GPM6A: variants seen among roughly 807,000 people sequenced by gnomAD.
GPM6A encodes neuronal membrane glycoprotein M6-a.
In GPM6A, 7 loss-of-function variants were observed where a neutral mutation model predicts 32.1. The ratio of observed to expected loss-of-function variants is 0.22; its 90% CI spans 0.12 to 0.41. The LOEUF (loss-of-function observed/expected upper bound fraction) is 0.41. Among genes scored for constraint, GPM6A ranks in the 10% least tolerant of loss-of-function variants. GPM6A has a pLI of 1.00. For synonymous variants in GPM6A, 130 were observed against 123.4 expected (o/e 1.05, Z -0.35); for missense variants, 235 against 347.2 (o/e 0.68, Z 2.57).
chr4:175,873,345 T>C (rs1396557941), intron 1 of GPM6A, among the ~76,000 whole-genome samples: 1 of 152,148 alleles, frequency 6.6e-6, no homozygotes, highest in Non-Finnish European at 1.5e-5. Context: ...GTAAACATTT[T>C]GTATTAAATA....
At chr4:175,787,312 C>T (rs775254098) in intron 1 of GPM6A, 3 of 1,404,814 alleles carry the variant, frequency 2.1e-6, no homozygotes, top group African/African-American at 1.4e-5. Context: ...ATAATACTCC[C>T]ACCAAAGTCA....
intron 1 of GPM6A, among the ~76,000 whole-genome samples, chr4:175,711,176 T>C (rs572774453): frequency 6.6e-6 from 1 of 152,056 alleles, no homozygotes; most frequent in South Asian, 2.1e-4. Flanking sequence ...TACACAAGCA[T>C]ATTTGTTTCA....
intron 1 of GPM6A, among the ~76,000 whole-genome samples, chr4:175,798,009 C>A (rs1734304477): frequency 6.6e-6 from 1 of 152,138 alleles, no homozygotes; most frequent in Admixed American, 6.5e-5. Flanking sequence ...GGGCCCCACT[C>A]CATACTCACC....
At chr4:175,938,472 G>T (rs1739308699) in intron 1 of GPM6A, among the ~76,000 whole-genome samples, 2 of 152,114 alleles carry the variant, frequency 1.3e-5, no homozygotes, top group East Asian at 3.9e-4. Context: ...GTATCTCATT[G>T]TGGTTTTGAT....
At chr4:175,804,645 TTAA>T (rs1298847718) in intron 1 of GPM6A, among the ~76,000 whole-genome samples, 3 of 152,228 alleles carry the variant, frequency 2.0e-5, no homozygotes. Flanking sequence ...GCTATTATTA[TTAA>T]TATTTTCCTT....
intron 2 of GPM6A, among the ~76,000 whole-genome samples, chr4:175,679,323 A>G (rs1041238424): frequency 6.6e-6 from 1 of 152,122 alleles, no homozygotes; most frequent in Non-Finnish European, 1.5e-5. Flanking sequence ...CTAGAATACT[A>G]TACAAGCGAT....
chr4:175,895,923 T>A (rs1030167213), intron 1 of GPM6A, among the ~76,000 whole-genome samples: 5 of 152,214 alleles, frequency 3.3e-5, no homozygotes, highest in African/African-American at 1.2e-4. Context: ...TATTTTATTA[T>A]GTTTTCTATT....
chr4:175,853,772 T>C (rs769782232), intron 1 of GPM6A, among the ~76,000 whole-genome samples: 3 of 152,188 alleles, frequency 2.0e-5, no homozygotes, highest in Non-Finnish European at 4.4e-5. Flanking sequence ...GAAGATATTA[T>C]GATATTAATA....
At chr4:175,700,237 A>T (rs1347929107) in intron 2 of GPM6A, among the ~76,000 whole-genome samples, 1 of 152,162 alleles carries the variant, frequency 6.6e-6, no homozygotes, top group Non-Finnish European at 1.5e-5. Context: ...TGATATTTAT[A>T]AAAAATACTT....
chr4:175,690,634 T>C (rs1345658748), intron 2 of GPM6A, among the ~76,000 whole-genome samples: 1 of 152,200 alleles, frequency 6.6e-6, no homozygotes, highest in Non-Finnish European at 1.5e-5. Flanking sequence ...GCAGGTAGCA[T>C]CTTGTTTTAG....
chr4:175,768,492 G>T (rs1733060352), intron 1 of GPM6A, among the ~76,000 whole-genome samples: 1 of 152,054 alleles, frequency 6.6e-6, no homozygotes, highest in African/African-American at 2.4e-5. Context: ...CTTAGGGATT[G>T]TTAGAGCAAA....
chr4:175,707,865 C>A (rs1745291515), intron 1 of GPM6A, among the ~76,000 whole-genome samples: 2 of 152,068 alleles, frequency 1.3e-5, no homozygotes, highest in South Asian at 4.1e-4. Flanking sequence ...CTATCATATG[C>A]TTCCCATCTG....
intron 1 of GPM6A, among the ~76,000 whole-genome samples, chr4:175,802,491 A>G (rs950447795): frequency 1.3e-5 from 2 of 152,136 alleles, no homozygotes; most frequent in Non-Finnish European, 2.9e-5. Context: ...ATACCAATTA[A>G]AATACAAAAA....
chr4:175,895,900 C>T (rs1737781437), intron 1 of GPM6A, among the ~76,000 whole-genome samples: 1 of 152,098 alleles, frequency 6.6e-6, no homozygotes. Flanking sequence ...AATATTTGAT[C>T]TACTTTGTTT....
chr4:175,885,420 A>G (rs976971597), intron 1 of GPM6A, among the ~76,000 whole-genome samples: 4 of 152,246 alleles, frequency 2.6e-5, no homozygotes, highest in African/African-American at 4.8e-5. Context: ...TCTTGAGCCC[A>G]GGAATTGGAG....
intron 3 of GPM6A, among the ~76,000 whole-genome samples, chr4:175,663,808 C>T (rs1742575352): frequency 6.6e-6 from 1 of 151,722 alleles, no homozygotes; most frequent in Admixed American, 6.6e-5. Flanking sequence ...ATTCTCCTGC[C>T]TCAGCCTCCC....
chr4:175,940,041 C>A (rs1579646356), intron 1 of GPM6A, among the ~76,000 whole-genome samples: 2 of 152,190 alleles, frequency 1.3e-5, no homozygotes, highest in East Asian at 3.9e-4. Flanking sequence ...TGCAGTAGTT[C>A]ATTTATTATT....
At chr4:175,643,202 T>C (rs1436803510) in intron 4 of GPM6A, among the ~76,000 whole-genome samples, 4 of 152,164 alleles carry the variant, frequency 2.6e-5, no homozygotes, top group Non-Finnish European at 5.9e-5. Context: ...GCTTCTACCC[T>C]TCCTACAAAC....
chr4:175,975,644 A>T (rs1016474734), intron 1 of GPM6A, among the ~76,000 whole-genome samples: 10 of 152,232 alleles, frequency 6.6e-5, no homozygotes, highest in Non-Finnish European at 1.5e-4. Context: ...ATATTTAAAC[A>T]CTTACACCTT....
Sources: allele counts gnomAD v4.1 joint callset (sites outside exome capture counted in the v4.1 genomes callset), GRCh38; gene constraint gnomAD v4.1.1; transcripts MANE v1.5; gene names NCBI Gene and HGNC (gene_info 2026-07-23, HGNC 2026-07-21).